The following DOCK3 variants were observed in gnomAD, a reference collection of about 807,000 sequenced individuals.
DOCK3 encodes the protein dedicator of cytokinesis 3.
In DOCK3, 60 loss-of-function variants were observed where a neutral mutation model predicts 265.6. The ratio of observed to expected loss-of-function variants is 0.23; its 90% CI spans 0.18 to 0.28. The LOEUF (loss-of-function observed/expected upper bound fraction) is 0.28, where lower values mean the gene tolerates loss of function less well. Among genes scored for constraint, DOCK3 ranks in the 10% least tolerant of loss-of-function variants. The pLI is 1.00. For synonymous variants in DOCK3, 881 were observed against 938.0 expected, an observed-to-expected ratio of 0.94 and a Z score of 1.11; for missense variants, 1,981 against 2,594.3, an observed-to-expected ratio of 0.76 and a Z score of 5.14.
intron 21 of DOCK3, among the ~76,000 whole-genome samples, chr3:51,243,742 T>C (rs991627545): frequency 6.6e-6 from 1 of 152,246 alleles, no homozygotes; most frequent in African/African-American, 2.4e-5. Context: ...TTTTTTGTTG[T>C]TGCCTGTGCT....
chr3:51,330,713 G>T (rs1424683806), intron 33 of DOCK3, among the ~76,000 whole-genome samples: 2 of 152,146 alleles, frequency 1.3e-5, no homozygotes, highest in Admixed American at 6.5e-5. Context: ...TGAGATGGTT[G>T]TACTGAATGA....
chr3:50,748,558 G>T (rs938331457), intron 1 of DOCK3, among the ~76,000 whole-genome samples: 1 of 152,120 alleles, frequency 6.6e-6, no homozygotes, highest in Non-Finnish European at 1.5e-5. Context: ...ATGTTTGTCC[G>T]CTCTTCAAGG....
chr3:50,805,956 C>CT (rs1380900301), intron 2 of DOCK3, among the ~76,000 whole-genome samples: 8 of 151,714 alleles, frequency 5.3e-5, no homozygotes, highest in Non-Finnish European at 1.0e-4. Context: ...ATGTCAGGAG[C>CT]TGGGGGGCAG....
intron 5 of DOCK3, among the ~76,000 whole-genome samples, chr3:51,041,474 C>T (rs1419760600): frequency 2.0e-5 from 3 of 151,718 alleles, no homozygotes; most frequent in Non-Finnish European, 4.4e-5. Flanking sequence ...GCCTCAGCTT[C>T]CCAAAGTGCT....
At chr3:50,990,776 G>T (rs561246256) in intron 5 of DOCK3, among the ~76,000 whole-genome samples, 1 of 152,242 alleles carries the variant, frequency 6.6e-6, no homozygotes, top group East Asian at 1.9e-4. Flanking sequence ...GGCTGGGAGG[G>T]TAAGCCAGTC....
chr3:50,708,280 G>A (rs867374417), intron 1 of DOCK3, among the ~76,000 whole-genome samples: 7 of 152,292 alleles, frequency 4.6e-5, no homozygotes, highest in African/African-American at 1.7e-4. Context: ...GCCTTGTGTA[G>A]GTGGCTCTCA....
intron 9 of DOCK3, among the ~76,000 whole-genome samples, chr3:51,114,712 G>C (rs1408144434): frequency 6.6e-6 from 1 of 152,052 alleles, no homozygotes; most frequent in African/African-American, 2.4e-5. Flanking sequence ...ATGCAGGTTT[G>C]TTACATAGGT....
At chr3:50,821,709 A>G (rs1022641674) in intron 2 of DOCK3, among the ~76,000 whole-genome samples, 1 of 152,218 alleles carries the variant, frequency 6.6e-6, no homozygotes, top group Non-Finnish European at 1.5e-5. Flanking sequence ...TCTTCTGCAT[A>G]TGGCTAGGCT....
intron 10 of DOCK3, among the ~76,000 whole-genome samples, chr3:51,154,910 A>G (rs2107453277): frequency 6.6e-6 from 1 of 152,332 alleles, no homozygotes; most frequent in East Asian, 1.9e-4. Flanking sequence ...GGGAAGGCAC[A>G]GGGTGCTAAA....
At chr3:51,219,523 A>T (rs922687674) in intron 14 of DOCK3, among the ~76,000 whole-genome samples, 1 of 152,234 alleles carries the variant, frequency 6.6e-6, no homozygotes, top group African/African-American at 2.4e-5. Context: ...AACTGGAGAC[A>T]TATTGGAATG....
Position 50,787,831 on chromosome 3 carries a change from T to C in DOCK3, c.121+9073T>C, listed in dbSNP as rs1250308341. 17 of 1,118,554 alleles carry C rather than the reference T, an allele frequency of 1.5e-5. No individual in the cohort carries two copies. In the East Asian group the frequency reaches 2.8e-4, roughly 19 times the overall value. 69.3% of individuals were successfully genotyped at this position (1,118,554 alleles called of 1,614,324 possible). On this transcript the variant is annotated intron_variant, in intron 2 of 52. Coordinates refer to ENST00000266037, the MANE Select transcript of DOCK3 (RefSeq NM_004947.5). ...CCCTTCCTCTCTCTCTTCCTCCTCA[T>C]TGTTTAAGAACAGGAGTCTCTTTGG...
chr3:51,259,008 G>T (rs2079704674), intron 22 of DOCK3, among the ~76,000 whole-genome samples: 1 of 152,210 alleles, frequency 6.6e-6, no homozygotes, highest in Non-Finnish European at 1.5e-5. Context: ...CAGTGGCAGA[G>T]TCCAGCCTGC....
At chr3:51,258,074 C>T (rs1285178567) in intron 22 of DOCK3, among the ~76,000 whole-genome samples, 1 of 152,150 alleles carries the variant, frequency 6.6e-6, no homozygotes, top group African/African-American at 2.4e-5. Flanking sequence ...TATTGTGTAA[C>T]CTAATAGAGG....
intron 12 of DOCK3, among the ~76,000 whole-genome samples, chr3:51,162,599 A>G (rs2086192196): frequency 6.6e-6 from 1 of 152,182 alleles, no homozygotes; most frequent in African/African-American, 2.4e-5. Context: ...ATTCCTTCCA[A>G]GGGCAAGGGA....
In DOCK3 at chr3:50,871,562, C is replaced by T. The variant is rs189012487; in HGVS notation, c.163-18464C>T. ...CTTGAACTTGGATATTGATGTCTCT[C>T]GCTATGTTTGGAGGGTTCTCTGTTA... On this transcript the variant is annotated intron_variant, in intron 3 of 52. Transcript: ENST00000266037. 9.8e-3 allele frequency among the ~76,000 whole-genome samples: 1,497 copies of T among 152,090 alleles called. 7 individuals are homozygous for T. Among genetic ancestry groups the T allele is most frequent in the Non-Finnish European group, 0.015 (1,004 of 67,998 alleles).
intron 5 of DOCK3, among the ~76,000 whole-genome samples, chr3:50,982,863 C>T (rs1254020494): frequency 6.6e-6 from 1 of 152,048 alleles, no homozygotes; most frequent in Admixed American, 6.5e-5. Flanking sequence ...GGGCTGCCTG[C>T]ATGCTCCACT....
At chr3:51,096,867 T>C (rs1240255484) in intron 9 of DOCK3, among the ~76,000 whole-genome samples, 1 of 152,230 alleles carries the variant, frequency 6.6e-6, no homozygotes, top group East Asian at 1.9e-4. Context: ...TATTTCTTTC[T>C]GTTTGTTAGC....
At chr3:51,292,463 C>G (rs1170454332) in intron 27 of DOCK3, among the ~76,000 whole-genome samples, 1 of 152,064 alleles carries the variant, frequency 6.6e-6, no homozygotes, top group African/African-American at 2.4e-5. Context: ...TAACAACAAA[C>G]TGTCTAAAAA....
rs576122343 is a variant in DOCK3 at position 51,142,077 on chromosome 3, T to C, written c.747-4472T>C. ...ACAGCTTATTTGTATCTACACCTATTGTTTCCTTCTTCACTCTTTCCTGGA... is the reference window on the plus strand; with the variant it reads ...ACAGCTTATTTGTATCTACACCTATCGTTTCCTTCTTCACTCTTTCCTGGA... On this transcript the variant is annotated intron_variant, in intron 9 of 52. Transcript: ENST00000266037. Among the ~76,000 whole-genome samples, 14 of 152,264 alleles carry C rather than the reference T, an allele frequency of 9.2e-5. No individual in the cohort carries two copies. In the South Asian group the frequency reaches 1.7e-3, roughly 18 times the overall value.
Sources: gnomAD v4.1 joint callset for allele counts (sites outside exome capture counted in the v4.1 genomes callset) on GRCh38, gnomAD v4.1.1 for gene constraint, MANE v1.5 for transcripts, NCBI Gene and HGNC (gene_info 2026-07-23, HGNC 2026-07-21) for gene names.